GLIS2: variants seen among roughly 807,000 people sequenced by gnomAD.
The protein encoded by GLIS2 is GLIS family zinc finger 2.
GLIS2 carries 14 observed loss-of-function variants against 35.6 expected under a neutral mutation model. The ratio of observed to expected loss-of-function variants is 0.39; its 90% CI spans 0.26 to 0.61. The LOEUF (loss-of-function observed/expected upper bound fraction) is 0.61, where lower values mean the gene tolerates loss of function less well. GLIS2 is among the 20% of genes least tolerant of loss of function. GLIS2 has a pLI of 0.48. For synonymous variants in GLIS2, 368 were observed against 325.1 expected, an observed-to-expected ratio of 1.13 and a Z score of -1.42; for missense variants, 675 against 713.4, an observed-to-expected ratio of 0.95 and a Z score of 0.61.
upstream of GLIS2, among the ~76,000 whole-genome samples, chr16:4,315,674 G>T (rs901835846): frequency 7.3e-5 from 11 of 151,352 alleles, no homozygotes; most frequent in South Asian, 4.2e-4. Flanking sequence ...CGCGGGGGGG[G>T]GGTGGCGTGA....
Position 4,335,515 on chromosome 16 carries a change from T to C in GLIS2, c.775+122T>C. The C allele has an allele frequency of 1.1e-6, 1 of 873,936 alleles. No homozygotes were observed. The allele number at this position is 873,936 out of a possible 1,614,324, so 54.1% of individuals were successfully genotyped here. On this transcript the variant is annotated intron_variant, in intron 6 of 6. Transcript: ENST00000433375. This position sits in a 1 kb window ranked among gnomAD's most constrained non-coding sequence, Gnocchi z 4.6. ...CCCGGGCCTCAGAGATAAGGGTTGA[T>C]GTCATCGCCCAGGGGTCCCTTTTCC... is the stretch of plus-strand genomic sequence containing the variant.
intron 1 of GLIS2, chr16:4,324,655 C>G (rs2053411551): frequency 6.6e-6 from 1 of 152,318 alleles, no homozygotes; most frequent in Non-Finnish European, 1.5e-5. Context: ...GGCGACGATT[C>G]ATTCAGCACG....
Position 4,335,412 on chromosome 16 carries a change from G to A in GLIS2, c.775+19G>A, listed in dbSNP as rs1200660056. 3 of 1,611,938 alleles carry A rather than the reference G, an allele frequency of 1.9e-6. No individual in the cohort carries two copies. Among genetic ancestry groups the A allele is most frequent in the African/African-American group, 2.7e-5 (2 of 74,916 alleles). On this transcript the variant is annotated intron_variant, in intron 6 of 6. Transcript: ENST00000433375. This position sits in a 1 kb window ranked among gnomAD's most constrained non-coding sequence, Gnocchi z 4.6. ...CACACAGGTAAGAGGCCGGGGCCGG[G>A]CGGCTTGGCCCATGAAGGGGGCGCT...
chr16:4,335,162 T>C lies in GLIS2; in HGVS notation c.625T>C (p.Cys209Arg). 6.2e-7 allele frequency: 1 copy of C among 1,613,190 alleles called. No individual in the cohort carries two copies. Among genetic ancestry groups the C allele is most frequent in the South Asian group, 1.1e-5 (1 of 91,084 alleles). The change falls in exon 5 of 7, where the codon TGC (cysteine) becomes CGC (arginine). Residue 209 changes from cysteine to arginine, a missense_variant. Physicochemically the swap from Cys to Arg is radical, Grantham distance 180 (BLOSUM62 -3). Transcript: ENST00000433375. This position sits in a 1 kb window ranked among gnomAD's most constrained non-coding sequence, Gnocchi z 4.6. ...DAGYCCHWEG[C>R]ARHGRGFNAR... ...GGGGTACTGCTGCCACTGGGAGGGC[T>C]GCGCCCGCCATGGCCGAGGTTTCAA...
In GLIS2 at chr16:4,334,783, C is replaced by T. The variant is rs927890769; in HGVS notation, c.346-18C>T. 1 of 1,613,004 alleles carries T rather than the reference C, an allele frequency of 6.2e-7. No individual in the cohort carries two copies. The highest frequency in any genetic ancestry group is 1.3e-5 in the African/African-American group (1 of 74,982). On this transcript the variant is annotated intron_variant, in intron 3 of 6. Transcript: ENST00000433375. ...CTGGGCCAGCAGGACCTTGACTAGC[C>T]CTCCCCTCGCACCCCAGGACTTCCA...
At chr16:4,322,390 G>C (rs1392344817) in intron 1 of GLIS2, among the ~76,000 whole-genome samples, 1 of 152,198 alleles carries the variant, frequency 6.6e-6, no homozygotes, top group Admixed American at 6.5e-5. Flanking sequence ...ACTGGGCTTT[G>C]GGGTCTGCTG....
chr16:4,318,072 G>A (rs1156796130), intron 1 of GLIS2, among the ~76,000 whole-genome samples: 4 of 152,144 alleles, frequency 2.6e-5, no homozygotes, highest in African/African-American at 9.7e-5. Context: ...TCACCAATGG[G>A]GAGGGGGTGC....
chr16:4,317,865 C>A (rs565059564), intron 1 of GLIS2, among the ~76,000 whole-genome samples: 3 of 152,110 alleles, frequency 2.0e-5, no homozygotes, highest in East Asian at 3.9e-4. Flanking sequence ...CTTTCCTCCT[C>A]CCCCTCCTTT....
chr16:4,337,865 C>A lies in GLIS2; in HGVS notation c.*341C>A. ...GGCACCTCCCTCACCTAGTGACCAC[C>A]CATGGCAAGTTGCCCTCTCCCAGCA... On this transcript the variant is annotated 3_prime_UTR_variant, in exon 7 of 7. Transcript: ENST00000433375. The A allele has an allele frequency of 6.3e-6, 3 of 472,970 alleles. No individual in the cohort carries two copies. The highest frequency in any genetic ancestry group is 3.9e-6 in the Non-Finnish European group (1 of 256,462). 29.3% of individuals were successfully genotyped at this position (472,970 alleles called of 1,614,324 possible). A position where few individuals can be genotyped will look rare whatever the true frequency, so the allele number is the denominator to read the frequency against.
intron 1 of GLIS2, among the ~76,000 whole-genome samples, chr16:4,317,722 C>G (rs1447350380): frequency 6.6e-6 from 1 of 152,126 alleles, no homozygotes; most frequent in Non-Finnish European, 1.5e-5. Flanking sequence ...TCCAGCCTGG[C>G]CCATTTCACT....
In GLIS2 at chr16:4,337,485, G is replaced by A. The variant is rs747477718; in HGVS notation, c.1536G>A (p.Pro512=). The change falls in exon 7 of 7, where the codon CCG becomes CCA. Residue 512 remains proline (P), a synonymous_variant. Transcript: ENST00000433375. ...EALAPGWVVI[P]PGSVLLKPAV... ...TGGCCCCTGGCTGGGTGGTCATCCC[G>A]CCGGGCTCGGTGCTGCTCAAACCGG... is the stretch of plus-strand genomic sequence containing the variant. 1.7e-5 allele frequency: 27 copies of A among 1,569,268 alleles called. No individual in the cohort carries two copies. The highest frequency in any genetic ancestry group is 1.1e-4 in the Admixed American group (6 of 54,928).
At chr16:4,329,929 G>A (rs2053480289) in intron 1 of GLIS2, among the ~76,000 whole-genome samples, 2 of 152,196 alleles carry the variant, frequency 1.3e-5, no homozygotes, top group African/African-American at 4.8e-5. Flanking sequence ...TTAGAATGAA[G>A]TGTTGACCTT....
chr16:4,333,772 G>A (rs1469086664), intron 3 of GLIS2, among the ~76,000 whole-genome samples: 1 of 152,118 alleles, frequency 6.6e-6, no homozygotes, highest in Non-Finnish European at 1.5e-5. Flanking sequence ...TCTTCACACG[G>A]TCTTTGTCCC....
Position 4,335,299 on chromosome 16 carries a change from C to T in GLIS2, c.681C>T (p.Arg227=). The T allele has an allele frequency of 6.2e-7, 1 of 1,613,846 alleles. No individual in the cohort carries two copies. Among genetic ancestry groups the T allele is most frequent in the African/African-American group, 1.3e-5 (1 of 75,042 alleles). ...GGTACAAGATGCTCATCCACATCCG[C>T]ACACACACCAACGAGAAGCCACACC... is the stretch of plus-strand genomic sequence containing the variant. The part of the protein sequence containing the change: ...NARYKMLIHI[R]THTNEKPHRC... Residue 227 remains arginine, a synonymous_variant, in exon 6 of 7, where the codon CGC becomes CGT. Transcript: ENST00000433375. This position sits in a 1 kb window ranked among gnomAD's most constrained non-coding sequence, Gnocchi z 4.6.
intron 1 of GLIS2, among the ~76,000 whole-genome samples, chr16:4,318,783 T>C (rs1285349017): frequency 6.6e-6 from 1 of 152,210 alleles, no homozygotes; most frequent in Non-Finnish European, 1.5e-5. Flanking sequence ...GGCAGCCATA[T>C]AGGAGGAAGA....
chr16:4,323,611 T>C (rs1269286672), intron 1 of GLIS2, among the ~76,000 whole-genome samples: 2 of 152,128 alleles, frequency 1.3e-5, no homozygotes, highest in Non-Finnish European at 2.9e-5. Flanking sequence ...TCACCCTCCC[T>C]GCTGGCGTTG....
rs117459426 is a variant in GLIS2, at chr16:4,319,572, G to C, written c.-67+3318G>C. ...GGACCACAGCCCTAGCGAGTCTCCCGGGCCACATCTGCCTCTCAGTGGTTT... is the reference window on the plus strand; with the variant it reads ...GGACCACAGCCCTAGCGAGTCTCCCCGGCCACATCTGCCTCTCAGTGGTTT... On this transcript the variant is annotated intron_variant, in intron 1 of 6. Coordinates refer to ENST00000433375, the MANE Select transcript of GLIS2 (RefSeq NM_032575.3). Among the ~76,000 whole-genome samples, 683 of 152,268 alleles carry C rather than the reference G, an allele frequency of 4.5e-3. 3 individuals are homozygous for C. Among genetic ancestry groups the C allele is most frequent in the Non-Finnish European group, 7.6e-3 (518 of 68,002 alleles).
rs1294009831 is a variant in GLIS2, at chr16:4,336,997, G to A, written c.1048G>A (p.Gly350Arg). 1.2e-6 allele frequency: 2 copies of A among 1,607,280 alleles called. No individual in the cohort carries two copies. Among genetic ancestry groups the A allele is most frequent in the South Asian group, 1.1e-5 (1 of 90,568 alleles). Residue 350 changes from glycine (G) to arginine (R), a missense_variant, in exon 7 of 7, where the codon GGG becomes AGG. Gly to Arg is a moderately radical substitution (Grantham distance 125). Transcript: ENST00000433375. The stretch of plus-strand genomic sequence containing the variant: ...CCCCGACGGCGGCCCCTATGTCAGT[G>A]GGGCCCAGATCATCATCCCCAACCC... The part of the protein sequence containing the change: ...PAPDGGPYVS[G>R]AQIIIPNPAA...
chr16:4,333,794 A>G (rs991601667), intron 3 of GLIS2, among the ~76,000 whole-genome samples: 4 of 151,824 alleles, frequency 2.6e-5, no homozygotes, highest in Non-Finnish European at 5.9e-5. Flanking sequence ...CTGTGTCCGA[A>G]TCTCTCTCTG....
Sources: allele counts gnomAD v4.1 joint callset (sites outside exome capture counted in the v4.1 genomes callset), GRCh38; gene constraint gnomAD v4.1.1; non-coding constraint Gnocchi (gnomAD v3.1); transcripts MANE v1.5; gene names NCBI Gene and HGNC (gene_info 2026-07-23, HGNC 2026-07-21).